MARCHF1: variants seen among roughly 807,000 people sequenced by gnomAD.
MARCHF1 encodes membrane associated ring-CH-type finger 1.
Under a neutral mutation model 54.2 loss-of-function variants are expected in MARCHF1, and 40 were observed. That is an observed-to-expected ratio of 0.74 (90% CI 0.57 to 0.96). MARCHF1 has a LOEUF of 0.96. Ranked by LOEUF, MARCHF1 falls within the 40% of genes least tolerant of loss-of-function variation. The pLI is 0.00. For missense variants in MARCHF1, 586 were observed against 656.5 expected (o/e 0.89, Z 1.17); for synonymous variants, 236 against 236.3 (o/e 1.00, Z 0.01).
intron 3 of MARCHF1, among the ~76,000 whole-genome samples, chr4:163,856,211 CAA>C (rs1037323759): frequency 1.3e-5 from 2 of 152,154 alleles, no homozygotes; most frequent in African/African-American, 4.8e-5. Flanking sequence ...AGTATTATAA[CAA>C]AATGCCAACT....
In MARCHF1 at chr4:164,106,756, TGA is replaced by T. The variant is rs1023415775; in HGVS notation, c.-248+4830_-248+4831del. Among the ~76,000 whole-genome samples, 133 of 85,338 alleles carry T rather than the reference TGA, an allele frequency of 1.6e-3. 1 individual carries two copies. Among genetic ancestry groups the T allele is most frequent in the African/African-American group, 4.2e-3 (114 of 27,110 alleles). The allele number at this position is 85,338 out of a possible 152,430, so 56.0% of individuals were successfully genotyped here. On this transcript the variant is annotated intron_variant, in intron 2 of 9. Transcript: ENST00000514618. ...CAATGTGCACATGTACCCTAAAACT[TGA>T]AGTATAATAAAAATAAAAAATAAAA...
intron 3 of MARCHF1, among the ~76,000 whole-genome samples, chr4:163,974,002 T>C (rs1383543402): frequency 1.3e-5 from 2 of 152,224 alleles, no homozygotes; most frequent in African/African-American, 4.8e-5. Flanking sequence ...TGAGTTTACA[T>C]CCTGGCTTTG....
At chr4:163,681,712 G>T (rs925541752) in intron 5 of MARCHF1, among the ~76,000 whole-genome samples, 1 of 152,132 alleles carries the variant, frequency 6.6e-6, no homozygotes, top group Admixed American at 6.5e-5. Flanking sequence ...CCTGAGGCTT[G>T]CCCAGCCATG....
At chr4:163,643,015 G>T (rs958971885) in intron 5 of MARCHF1, among the ~76,000 whole-genome samples, 2 of 151,852 alleles carry the variant, frequency 1.3e-5, no homozygotes, top group Non-Finnish European at 2.9e-5. Context: ...ATATATGTAT[G>T]TTAAGAGTCA....
chr4:163,539,000 C>CA (rs553797248), intron 9 of MARCHF1, among the ~76,000 whole-genome samples: 313 of 122,594 alleles, frequency 2.6e-3, no homozygotes, highest in African/African-American at 0.01. Flanking sequence ...TCTCCTGATG[C>CA]TTTTATTTAT....
intron 1 of MARCHF1, among the ~76,000 whole-genome samples, chr4:164,282,241 T>C (rs1037531594): frequency 1.3e-5 from 2 of 150,744 alleles, no homozygotes; most frequent in African/African-American, 2.4e-5. Context: ...ACAAGCCCTA[T>C]CATCTCCAAC....
At chr4:164,186,261 C>A (rs901659298) in intron 1 of MARCHF1, among the ~76,000 whole-genome samples, 1 of 152,160 alleles carries the variant, frequency 6.6e-6, no homozygotes, top group Non-Finnish European at 1.5e-5. Flanking sequence ...ACGTGAATAA[C>A]GTGTTAAATT....
At chr4:163,691,790 G>T (rs1366396754) in intron 5 of MARCHF1, among the ~76,000 whole-genome samples, 1 of 152,036 alleles carries the variant, frequency 6.6e-6, no homozygotes, top group Non-Finnish European at 1.5e-5. Flanking sequence ...AATGGTGGAG[G>T]TTTTTCCCCA....
rs746223011 is a variant in MARCHF1, at chr4:163,556,011, C to G, written c.1192-10268G>C. The G allele has an allele frequency of 9.7e-5, 44 of 455,484 alleles. 1 individual carries two copies. The highest frequency in any genetic ancestry group is 1.6e-4 in the South Asian group (10 of 64,498). 28.2% of individuals were successfully genotyped at this position (455,484 alleles called of 1,614,324 possible). On this transcript the variant is annotated intron_variant, in intron 8 of 9. Transcript: ENST00000514618. ...AAAGAGAAAAGCTTTTAAAAATACC[C>G]AATTTTACCCCATCATTTTCTAGTT...
chr4:163,649,437 T>G (rs1281013733), intron 5 of MARCHF1, among the ~76,000 whole-genome samples: 1 of 152,012 alleles, frequency 6.6e-6, no homozygotes, highest in East Asian at 1.9e-4. Flanking sequence ...ATCGGTGATA[T>G]CTATGTGTTT....
At chr4:163,691,842 G>A (rs72683467) in intron 5 of MARCHF1, among the ~76,000 whole-genome samples, 15 of 152,280 alleles carry the variant, frequency 9.9e-5, no homozygotes, top group Non-Finnish European at 2.1e-4. Flanking sequence ...TTACCCAGCT[G>A]CTGTGTGGCT....
intron 8 of MARCHF1, among the ~76,000 whole-genome samples, chr4:163,578,978 G>A (rs1740128556): frequency 6.6e-6 from 1 of 152,168 alleles, no homozygotes; most frequent in South Asian, 2.1e-4. Context: ...GGAGAACTAT[G>A]TTTACGGATG....
At chr4:163,585,686 A>G (rs1740387192) in intron 8 of MARCHF1, 63 bp downstream of exon 8, 4 of 1,310,086 alleles carry the variant, frequency 3.1e-6, no homozygotes, top group Non-Finnish European at 4.2e-6. Context: ...AAGGAAATAG[A>G]TTTCTAAAAC....
intron 5 of MARCHF1, among the ~76,000 whole-genome samples, chr4:163,694,188 G>T (rs1007131747): frequency 6.6e-6 from 1 of 152,154 alleles, no homozygotes; most frequent in African/African-American, 2.4e-5. Context: ...AGTTCATGTG[G>T]ATCTGGGTGG....
At chr4:164,117,775 C>T (rs907916087) in intron 1 of MARCHF1, among the ~76,000 whole-genome samples, 2 of 151,902 alleles carry the variant, frequency 1.3e-5, no homozygotes, top group African/African-American at 4.8e-5. Context: ...TGGTGGGCAC[C>T]TGTAATCTCA....
At chr4:163,826,400 T>C (rs1748848375) in intron 4 of MARCHF1, among the ~76,000 whole-genome samples, 1 of 152,074 alleles carries the variant, frequency 6.6e-6, no homozygotes, top group South Asian at 2.1e-4. Flanking sequence ...AAAATAATTA[T>C]ATTTAAAATT....
intron 8 of MARCHF1, among the ~76,000 whole-genome samples, chr4:163,563,868 C>T (rs972240813): frequency 3.3e-5 from 5 of 152,130 alleles, no homozygotes; most frequent in African/African-American, 7.2e-5. Context: ...GTGCGTTTAT[C>T]GAATTTACTT....
chr4:164,317,078 G>T (rs1199166279), intron 1 of MARCHF1, among the ~76,000 whole-genome samples: 2 of 152,094 alleles, frequency 1.3e-5, no homozygotes, highest in African/African-American at 4.8e-5. Context: ...TTATTGCCTT[G>T]ATCATTATAC....
At chr4:163,927,506 T>C (rs1751562534) in intron 3 of MARCHF1, among the ~76,000 whole-genome samples, 2 of 151,830 alleles carry the variant, frequency 1.3e-5, no homozygotes. Flanking sequence ...GTCATAGAGG[T>C]GCTGCCGTTA....
Sources: gnomAD v4.1 joint callset for allele counts (sites outside exome capture counted in the v4.1 genomes callset) on GRCh38, gnomAD v4.1.1 for gene constraint, MANE v1.5 for transcripts, NCBI Gene and HGNC (gene_info 2026-07-23, HGNC 2026-07-21) for gene names.